Variants in SPATS2L observed in about 807,000 individuals in gnomAD.
SPATS2L encodes spermatogenesis associated serine rich 2 like, also known as SPATS2-like protein.
A neutral mutation model predicts 59.6 loss-of-function variants in SPATS2L; 30 were observed. That is an observed-to-expected ratio of 0.50 (90% CI 0.38 to 0.68). The LOEUF (loss-of-function observed/expected upper bound fraction) is 0.68, where lower values mean the gene tolerates loss of function less well. Ranked by LOEUF, SPATS2L falls within the 30% of genes least tolerant of loss-of-function variation. SPATS2L has a pLI of 0.00. For synonymous variants in SPATS2L, 252 were observed against 263.5 expected (o/e 0.96, Z 0.42); for missense variants, 615 against 700.0 (o/e 0.88, Z 1.37).
rs528271270 is a variant in SPATS2L, at chr2:200,331,641, C to G, written c.-23+2161C>G. Reference sequence around the variant, plus strand: ...GCAGTGGGACCTTGGTCAAGTTAGTCCCCCTCTCTGTGCCTCAATTTCTTC... The same window carrying G: ...GCAGTGGGACCTTGGTCAAGTTAGTGCCCCTCTCTGTGCCTCAATTTCTTC... On this transcript the variant is annotated intron_variant, in intron 2 of 12. Coordinates refer to ENST00000409140, the MANE Select transcript of SPATS2L (RefSeq NM_001100423.2). Among the ~76,000 whole-genome samples the G allele has an allele frequency of 3.3e-5, 5 of 152,280 alleles. No individual in the cohort carries two copies. The East Asian group carries it at 5.8e-4, about 18-fold the overall frequency.
At chr2:200,454,561 T>C (rs1334959161) in intron 8 of SPATS2L, among the ~76,000 whole-genome samples, 1 of 151,898 alleles carries the variant, frequency 6.6e-6, no homozygotes, top group East Asian at 1.9e-4. Context: ...TGACACTTTA[T>C]CTCTGTGATT....
intron 6 of SPATS2L, among the ~76,000 whole-genome samples, chr2:200,422,854 A>G (rs2083371173): frequency 6.6e-6 from 1 of 152,140 alleles, no homozygotes; most frequent in South Asian, 2.1e-4. Context: ...AAATAGAACA[A>G]TTATAGCAAT....
upstream of SPATS2L, chr2:200,306,424 G>A (rs1246581027): frequency 5.7e-5 from 57 of 1,002,270 alleles, no homozygotes; most frequent in Non-Finnish European, 6.5e-5. Context: ...GCAAAGTGCG[G>A]AAGCTGTACT....
chr2:200,359,836 G>C (rs1320999595), intron 2 of SPATS2L, among the ~76,000 whole-genome samples: 6 of 152,154 alleles, frequency 3.9e-5, no homozygotes, highest in Admixed American at 3.9e-4. Flanking sequence ...CTGTGAACCA[G>C]GGCCCTTCCA....
intron 2 of SPATS2L, among the ~76,000 whole-genome samples, chr2:200,370,457 A>G (rs2081392464): frequency 6.6e-6 from 1 of 152,240 alleles, no homozygotes; most frequent in African/African-American, 2.4e-5. Context: ...CTAGGTTTGC[A>G]TAACAAACCC....
intron 1 of SPATS2L, 114 bp downstream of exon 1, chr2:200,307,036 C>T (rs1272292894): frequency 1.5e-5 from 13 of 895,820 alleles, no homozygotes; most frequent in African/African-American, 1.8e-5. Context: ...ATTCCGCAGC[C>T]CGGGCCGCCC....
At chr2:200,321,246 G>A (rs889610903) in intron 1 of SPATS2L, among the ~76,000 whole-genome samples, 5 of 152,162 alleles carry the variant, frequency 3.3e-5, no homozygotes, top group Non-Finnish European at 7.4e-5. Context: ...TGACATAGTC[G>A]GTAAAGAGCT....
Position 200,472,909 on chromosome 2 carries a change from A to T in SPATS2L, c.1138A>T (p.Thr380Ser). ...LLPLLNAHAA[T>S]SGKQSNFSRK... ...GCCTCTGCTGAATGCGCACGCAGCA[A>T]CCTCTGGGAAACAGAGTAACTTTTC... is the stretch of plus-strand genomic sequence containing the variant. The change falls in exon 12 of 13, where the codon ACC becomes TCC. Residue 380 changes from threonine to serine, a missense_variant. Physicochemically the swap from Thr to Ser is moderately conservative, Grantham distance 58. This residue lies in a region of SPATS2L where 284 missense variants were observed against 280.1 expected (regional missense o/e 1.01). Coordinates refer to ENST00000409140, the MANE Select transcript of SPATS2L (RefSeq NM_001100423.2). 2.5e-6 allele frequency: 4 copies of T among 1,613,860 alleles called. No individual in the cohort carries two copies. The highest frequency in any genetic ancestry group is 3.4e-6 in the Non-Finnish European group (4 of 1,179,860).
chr2:200,415,524 T>G (rs2105998473), intron 4 of SPATS2L, among the ~76,000 whole-genome samples: 1 of 152,280 alleles, frequency 6.6e-6, no homozygotes, highest in Admixed American at 6.5e-5. Flanking sequence ...TGAAAACAAC[T>G]GATATCCTCA....
chr2:200,327,013 C>A (rs1013134847), intron 1 of SPATS2L, among the ~76,000 whole-genome samples: 1 of 149,486 alleles, frequency 6.7e-6, no homozygotes, highest in African/African-American at 2.5e-5. Context: ...TCCCAAAATG[C>A]TAGGATTACA....
chr2:200,454,719 G>A (rs553241903), intron 8 of SPATS2L, among the ~76,000 whole-genome samples: 1 of 152,246 alleles, frequency 6.6e-6, no homozygotes, highest in African/African-American at 2.4e-5. Context: ...TTTTTAGAAG[G>A]AGAAAGGGCA....
intron 1 of SPATS2L, among the ~76,000 whole-genome samples, chr2:200,316,744 TC>T (rs1468809917): frequency 2.6e-5 from 4 of 152,336 alleles, no homozygotes; most frequent in Admixed American, 2.6e-4. Context: ...CTCCAAGCCT[TC>T]TTGGGACAGT....
chr2:200,463,017 C>T (rs1030992601), intron 9 of SPATS2L, among the ~76,000 whole-genome samples: 1 of 151,672 alleles, frequency 6.6e-6, no homozygotes, highest in Non-Finnish European at 1.5e-5. Context: ...AGGCACTTAG[C>T]ACAGAGCCTG....
chr2:200,415,227 G>A (rs374233574), intron 4 of SPATS2L, among the ~76,000 whole-genome samples: 7 of 152,234 alleles, frequency 4.6e-5, no homozygotes, highest in Non-Finnish European at 7.4e-5. Flanking sequence ...GTCTAAGAGG[G>A]GCGTTGAGTT....
chr2:200,410,029 GGGTCTTTGCA>G (rs374044236), intron 3 of SPATS2L, among the ~76,000 whole-genome samples: 103 of 152,128 alleles, frequency 6.8e-4, no homozygotes, highest in African/African-American at 2.3e-3. Flanking sequence ...CCATAATTCT[GGGTCTTTGCA>G]GTTCACACAG....
At chr2:200,389,076 G>C (rs2082089929) in intron 2 of SPATS2L, 147 bp from the exon 3 acceptor site, 2 of 591,702 alleles carry the variant, frequency 3.4e-6, no homozygotes, top group Admixed American at 6.4e-5. Context: ...GTCTAAGTCA[G>C]ATGCTTAGCT....
intron 9 of SPATS2L, among the ~76,000 whole-genome samples, chr2:200,465,405 G>A (rs891878514): frequency 1.3e-5 from 2 of 152,254 alleles, no homozygotes; most frequent in Non-Finnish European, 2.9e-5. Flanking sequence ...CAAGACATAT[G>A]TACTCTGGCT....
chr2:200,356,628 T>C (rs2080924237), intron 2 of SPATS2L, among the ~76,000 whole-genome samples: 2 of 152,312 alleles, frequency 1.3e-5, no homozygotes, highest in South Asian at 4.1e-4. Flanking sequence ...AAATGAGCAA[T>C]ATAACTTATC....
intron 6 of SPATS2L, among the ~76,000 whole-genome samples, chr2:200,428,898 C>T (rs1462679569): frequency 6.6e-6 from 1 of 152,170 alleles, no homozygotes; most frequent in Non-Finnish European, 1.5e-5. Flanking sequence ...CCTGCCTTCC[C>T]ACCAAAACTA....
Sources: allele counts gnomAD v4.1 joint callset (sites outside exome capture counted in the v4.1 genomes callset), GRCh38; gene constraint gnomAD v4.1.1; regional missense constraint gnomAD v4.1.1; transcripts MANE v1.5; gene names NCBI Gene and HGNC (gene_info 2026-07-23, HGNC 2026-07-21).